Variants in RAD51B observed in about 807,000 individuals in gnomAD.
RAD51B encodes DNA repair protein RAD51 homolog 2.
A neutral mutation model predicts 42.2 loss-of-function variants in RAD51B; 38 were observed. The ratio of observed to expected loss-of-function variants is 0.90; its 90% confidence interval spans 0.70 to 1.18. The LOEUF is 1.18. Ranked by LOEUF, RAD51B falls within the 50% of genes most tolerant of loss-of-function variation. The probability of loss-of-function intolerance (pLI) is 0.00; values close to 1 mark genes in which losing one functional copy is unlikely to be tolerated. For missense variants in RAD51B, 373 were observed against 400.7 expected (o/e 0.93, Z 0.59); for synonymous variants, 154 against 145.2 (o/e 1.06, Z -0.43).
intron 9 of RAD51B, among the ~76,000 whole-genome samples, chr14:68,420,421 C>T (rs1398038640): frequency 1.3e-4 from 19 of 151,896 alleles, no homozygotes; most frequent in Admixed American, 1.1e-3. Context: ...GCTGCTGGCT[C>T]GCTATTTTTA....
intron 10 of RAD51B, among the ~76,000 whole-genome samples, chr14:68,592,253 A>ATGTGTG (rs55833641): frequency 4.0e-3 from 557 of 140,054 alleles, no homozygotes; most frequent in South Asian, 7.6e-3. Context: ...GTAGGCAATG[A>ATGTGTG]TGTGTGTGTG....
chr14:68,050,478 G>A (rs1474974942), intron 7 of RAD51B, among the ~76,000 whole-genome samples: 1 of 151,906 alleles, frequency 6.6e-6, no homozygotes, highest in East Asian at 1.9e-4. Context: ...ATATTTTCAT[G>A]TAATACAGTT....
At chr14:68,528,376 A>T (rs1887070582) in intron 10 of RAD51B, among the ~76,000 whole-genome samples, 2 of 152,254 alleles carry the variant, frequency 1.3e-5, no homozygotes. Flanking sequence ...TCTATGGTTT[A>T]ATTTTCCCTT....
intron 7 of RAD51B, among the ~76,000 whole-genome samples, chr14:67,995,990 T>C (rs780892527): frequency 3.3e-5 from 5 of 152,082 alleles, no homozygotes; most frequent in Non-Finnish European, 5.9e-5. Context: ...GAGTACTTAA[T>C]TATATAGTAT....
In RAD51B at chr14:68,174,459, C is replaced by T. The variant is rs575661139; in HGVS notation, c.757-117425C>T. Among the ~76,000 whole-genome samples, 13 of 152,050 alleles carry T rather than the reference C, an allele frequency of 8.5e-5. No homozygotes were observed. In the East Asian group the frequency reaches 2.1e-3, roughly 25 times the overall value. On this transcript the variant is annotated intron_variant, in intron 7 of 10. Coordinates refer to ENST00000471583, the MANE Select transcript of RAD51B (RefSeq NM_133510.4). ...CATTTTGACTAAGACAAAGGCATAACCTTGACAGATCTCAGTGTCTCCAGG... is the reference window on the plus strand; with the variant it reads ...CATTTTGACTAAGACAAAGGCATAATCTTGACAGATCTCAGTGTCTCCAGG...
At chr14:68,322,213 C>A (rs1232573613) in intron 8 of RAD51B, among the ~76,000 whole-genome samples, 1 of 152,202 alleles carries the variant, frequency 6.6e-6, no homozygotes, top group Non-Finnish European at 1.5e-5. Flanking sequence ...TGTTCGACTT[C>A]TGTATGGTAT....
At chr14:67,859,522 T>C (rs1212273464) in intron 4 of RAD51B, among the ~76,000 whole-genome samples, 1 of 152,176 alleles carries the variant, frequency 6.6e-6, no homozygotes, top group Non-Finnish European at 1.5e-5. Flanking sequence ...AAGAAACACT[T>C]TCTGATATTT....
intron 7 of RAD51B, among the ~76,000 whole-genome samples, chr14:67,915,734 G>T (rs1482546135): frequency 1.3e-5 from 2 of 152,170 alleles, no homozygotes; most frequent in Non-Finnish European, 2.9e-5. Context: ...TCAAGAGTTG[G>T]ATTTTGTTTG....
chr14:68,195,734 A>C (rs895341357), intron 7 of RAD51B, among the ~76,000 whole-genome samples: 29 of 150,408 alleles, frequency 1.9e-4, no homozygotes, highest in African/African-American at 7.1e-4. Flanking sequence ...CAGGGAGAAA[A>C]CCTGTCCCTA....
intron 7 of RAD51B, among the ~76,000 whole-genome samples, chr14:67,927,421 A>G (rs975313457): frequency 6.7e-6 from 1 of 149,890 alleles, no homozygotes; most frequent in African/African-American, 2.5e-5. Context: ...GCTATCAAAC[A>G]TTAGATCTTG....
intron 7 of RAD51B, among the ~76,000 whole-genome samples, chr14:67,888,746 G>T (rs2043134609): frequency 6.6e-6 from 1 of 152,072 alleles, no homozygotes; most frequent in Admixed American, 6.6e-5. Context: ...ATGTAAAGTT[G>T]ATTTAAAGTA....
chr14:68,456,113 A>G (rs2085680217), intron 9 of RAD51B, among the ~76,000 whole-genome samples: 2 of 152,358 alleles, frequency 1.3e-5, no homozygotes. Context: ...TGTACACTAG[A>G]AAAATACCTA....
intron 7 of RAD51B, among the ~76,000 whole-genome samples, chr14:67,917,403 G>T (rs2044189995): frequency 6.6e-6 from 1 of 152,054 alleles, no homozygotes; most frequent in Admixed American, 6.6e-5. Context: ...GAGAGTAGAG[G>T]GTGAGGTGCC....
At chr14:68,288,520 T>C (rs1404612741) in intron 7 of RAD51B, among the ~76,000 whole-genome samples, 1 of 152,220 alleles carries the variant, frequency 6.6e-6, no homozygotes, top group Non-Finnish European at 1.5e-5. Flanking sequence ...TCTTTTGAGG[T>C]ATATCTGTAG....
chr14:68,541,340 C>CCT (rs1307914107), intron 10 of RAD51B: 1 of 985,348 alleles, frequency 1.0e-6, no homozygotes, highest in African/African-American at 1.7e-5. Context: ...TAATAGCCTA[C>CCT]CTGGCCCCTT....
At chr14:68,544,698 CAAT>C (rs909748603) in intron 10 of RAD51B, among the ~76,000 whole-genome samples, 10 of 152,170 alleles carry the variant, frequency 6.6e-5, no homozygotes, top group African/African-American at 2.4e-4. Flanking sequence ...CAAGAGTCAA[CAAT>C]GATCTAGGTA....
At chr14:67,967,082 A>G (rs1350487626) in intron 7 of RAD51B, among the ~76,000 whole-genome samples, 2 of 152,186 alleles carry the variant, frequency 1.3e-5, no homozygotes, top group African/African-American at 2.4e-5. Context: ...CACTTCTTCC[A>G]TGGCGCCAGC....
chr14:67,836,347 T>A (rs1293053695), intron 4 of RAD51B, among the ~76,000 whole-genome samples: 1 of 152,128 alleles, frequency 6.6e-6, no homozygotes, highest in Non-Finnish European at 1.5e-5. Flanking sequence ...AGGTGAGTGG[T>A]CTTGAAGAAG....
chr14:68,470,274 C>T (rs1323655775), intron 10 of RAD51B, among the ~76,000 whole-genome samples: 1 of 152,170 alleles, frequency 6.6e-6, no homozygotes, highest in Non-Finnish European at 1.5e-5. Flanking sequence ...CCCACTCCCC[C>T]AAGCTACACA....
Sources: allele counts gnomAD v4.1 joint callset (sites outside exome capture counted in the v4.1 genomes callset), GRCh38; gene constraint gnomAD v4.1.1; transcripts MANE v1.5; gene names NCBI Gene and HGNC (gene_info 2026-07-23, HGNC 2026-07-21).